WDPCP: variants seen among roughly 807,000 people sequenced by gnomAD.
WDPCP encodes the protein WD repeat containing planar cell polarity effector, also known as WD repeat-containing and planar cell polarity effector protein fritz homolog.
WDPCP carries 71 observed loss-of-function variants against 93.1 expected under a neutral mutation model. The observed-to-expected ratio is 0.76, with a 90% CI of 0.63 to 0.93. The LOEUF is 0.93. WDPCP is among the 40% of genes least tolerant of loss of function. The probability of loss-of-function intolerance (pLI) is 0.00; values close to 1 mark genes in which losing one functional copy is unlikely to be tolerated. For synonymous variants in WDPCP, 315 were observed against 315.0 expected (o/e 1.00, Z 0.00); for missense variants, 844 against 887.4 (o/e 0.95, Z 0.62).
At chr2:63,704,072 A>G (rs984071627) in intron 2 of WDPCP, among the ~76,000 whole-genome samples, 6 of 152,054 alleles carry the variant, frequency 3.9e-5, no homozygotes, top group Non-Finnish European at 8.8e-5. Flanking sequence ...ATTGTGAATG[A>G]GAGTTCACTC....
At chr2:63,730,294 C>A (rs113399960) in intron 2 of WDPCP, among the ~76,000 whole-genome samples, 2,530 of 152,060 alleles carry the variant, frequency 0.017, 22 homozygotes, top group African/African-American at 0.017. Flanking sequence ...AGGATCTGAA[C>A]TGAGGCTATC....
intron 12 of WDPCP, 31 bp from the exon 13 acceptor site, chr2:63,313,342 T>A: frequency 6.3e-7 from 1 of 1,591,272 alleles, no homozygotes; most frequent in South Asian, 1.1e-5. Context: ...TTATGTTAGT[T>A]GTGAACAAGA....
chr2:63,426,873 G>A (rs1696345517), intron 9 of WDPCP, among the ~76,000 whole-genome samples: 4 of 152,052 alleles, frequency 2.6e-5, no homozygotes, highest in Admixed American at 2.0e-4. Flanking sequence ...ATCTATGAAA[G>A]GGGAAAGAAA....
At chr2:63,672,457 C>G (rs1371049374) in intron 2 of WDPCP, among the ~76,000 whole-genome samples, 3 of 152,098 alleles carry the variant, frequency 2.0e-5, no homozygotes, top group Admixed American at 1.3e-4. Flanking sequence ...AGAAAACATG[C>G]AAACTATAGT....
intron 2 of WDPCP, among the ~76,000 whole-genome samples, chr2:63,677,934 ATTTG>A (rs779362213): frequency 2.0e-5 from 3 of 152,314 alleles, no homozygotes; most frequent in East Asian, 3.9e-4. Flanking sequence ...GCTTCAAAAT[ATTTG>A]TTTATGTAAC....
intron 1 of WDPCP, among the ~76,000 whole-genome samples, chr2:63,578,412 A>C (rs1355487518): frequency 1.3e-5 from 2 of 152,186 alleles, no homozygotes; most frequent in African/African-American, 4.8e-5. Context: ...ATTGCCAATT[A>C]TATCTATAGT....
intron 14 of WDPCP, among the ~76,000 whole-genome samples, chr2:63,188,840 C>A (rs1046519423): frequency 1.3e-5 from 2 of 152,064 alleles, no homozygotes; most frequent in African/African-American, 4.8e-5. Context: ...TTGGTCAGGC[C>A]ATGGTCCCGT....
intron 12 of WDPCP, among the ~76,000 whole-genome samples, chr2:63,324,036 C>T (rs962603074): frequency 3.3e-5 from 5 of 152,128 alleles, no homozygotes; most frequent in Middle Eastern, 3.4e-3. Flanking sequence ...ATTTGACCCA[C>T]AAACCCTGAA....
At chr2:63,774,461 A>G (rs1159800123) in intron 2 of WDPCP, among the ~76,000 whole-genome samples, 3 of 152,142 alleles carry the variant, frequency 2.0e-5, no homozygotes, top group Non-Finnish European at 4.4e-5. Context: ...AACTCTTCCC[A>G]AGATTTTGAC....
intron 14 of WDPCP, among the ~76,000 whole-genome samples, chr2:63,218,687 G>A (rs1445802402): frequency 6.6e-6 from 1 of 151,886 alleles, no homozygotes; most frequent in African/African-American, 2.4e-5. Context: ...GCGACACTAC[G>A]CCCAGCTAAT....
chr2:63,704,374 T>C (rs1367538459), intron 2 of WDPCP, among the ~76,000 whole-genome samples: 1 of 152,216 alleles, frequency 6.6e-6, no homozygotes, highest in African/African-American at 2.4e-5. Context: ...CTCTGTCTTG[T>C]GCCAGTTTTC....
intron 2 of WDPCP, among the ~76,000 whole-genome samples, chr2:63,738,393 T>TTTTTTTTTTTTTTTTTTTTTTTTTG (rs1553453624): frequency 6.6e-6 from 1 of 151,132 alleles, no homozygotes; most frequent in African/African-American, 2.4e-5. Context: ...GGGCTACTAT[T>TTTTTTTTTTTTTTTTTTTTTTTTTG]GACATTTGCT....
At chr2:63,424,565 G>A (rs909389008) in intron 9 of WDPCP, among the ~76,000 whole-genome samples, 1 of 152,120 alleles carries the variant, frequency 6.6e-6, no homozygotes, top group Admixed American at 6.5e-5. Flanking sequence ...CAATATGGCC[G>A]GTACCCAAAC....
intron 13 of WDPCP, among the ~76,000 whole-genome samples, chr2:63,297,411 C>A (rs745329541): frequency 4.6e-5 from 7 of 152,130 alleles, no homozygotes; most frequent in Non-Finnish European, 8.8e-5. Flanking sequence ...TCAGGGTATA[C>A]TTAAGTTATT....
At chr2:63,583,335 C>A (rs1025758070) in intron 1 of WDPCP, among the ~76,000 whole-genome samples, 6 of 152,062 alleles carry the variant, frequency 3.9e-5, no homozygotes, top group Non-Finnish European at 7.4e-5. Flanking sequence ...GAACAGAGAA[C>A]AAATGGGACA....
At chr2:63,631,217 G>A (rs1575734437) in intron 3 of WDPCP, among the ~76,000 whole-genome samples, 1 of 152,042 alleles carries the variant, frequency 6.6e-6, no homozygotes, top group Non-Finnish European at 1.5e-5. Context: ...AGAGGCAGAG[G>A]TTGCAGTGAG....
At chr2:63,379,768 C>T (rs551616762) in intron 11 of WDPCP, among the ~76,000 whole-genome samples, 1 of 152,034 alleles carries the variant, frequency 6.6e-6, no homozygotes, top group Non-Finnish European at 1.5e-5. Flanking sequence ...AAAAGGAAAA[C>T]AAATTACCAC....
At chr2:63,317,720 G>GA (rs1353155208) in intron 12 of WDPCP, among the ~76,000 whole-genome samples, 1 of 152,160 alleles carries the variant, frequency 6.6e-6, no homozygotes, top group African/African-American at 2.4e-5. Flanking sequence ...GTATACAGAT[G>GA]ATTGAAACTA....
chr2:63,597,579 C>G, intron 3 of WDPCP: 3 of 1,378,178 alleles, frequency 2.2e-6, no homozygotes, highest in Non-Finnish European at 1.9e-6. Context: ...GTTAAGGTGA[C>G]CAATGCTGTA....
Sources: gnomAD v4.1 joint callset for allele counts (sites outside exome capture counted in the v4.1 genomes callset) on GRCh38, gnomAD v4.1.1 for gene constraint, MANE v1.5 for transcripts, NCBI Gene and HGNC (gene_info 2026-07-23, HGNC 2026-07-21) for gene names.